Variants in PPIG observed in about 807,000 individuals in gnomAD.
PPIG encodes peptidyl-prolyl cis-trans isomerase G.
PPIG carries 26 observed loss-of-function variants against 87.9 expected under a neutral mutation model. The observed-to-expected ratio is 0.30, with a 90% CI of 0.22 to 0.41. The LOEUF is 0.41. Ranked by LOEUF, PPIG falls within the 10% of genes least tolerant of loss-of-function variation. The pLI is 1.00. For synonymous variants in PPIG, 308 were observed against 276.5 expected (o/e 1.11, Z -1.13); for missense variants, 722 against 879.4 (o/e 0.82, Z 2.26).
Position 169,608,653 on chromosome 2 carries a change from AACTTT to A in PPIG, c.290-13_290-9del. Reference sequence around the variant, plus strand: ...AGGTTATATCTATAATGTAACTGAAAACTTTACTTCTCTATAGACGAGAGTTTCGC... The same window carrying A: ...AGGTTATATCTATAATGTAACTGAAAACTTCTCTATAGACGAGAGTTTCGC... On this transcript the variant is annotated splice_polypyrimidine_tract_variant and intron_variant, in intron 6 of 13. Transcript: ENST00000260970. 1.3e-6 allele frequency: 2 copies of A among 1,568,704 alleles called. No individual in the cohort carries two copies. The highest frequency in any genetic ancestry group is 2.2e-5 in the South Asian group (2 of 89,904).
At chr2:169,600,136 T>C (rs1685139304) in intron 1 of PPIG, among the ~76,000 whole-genome samples, 1 of 151,934 alleles carries the variant, frequency 6.6e-6, no homozygotes, top group Admixed American at 6.6e-5. Flanking sequence ...GTACAGTGGC[T>C]TGATCTTGGC....
chr2:169,600,155 A>G (rs868827124), intron 1 of PPIG, among the ~76,000 whole-genome samples: 9 of 151,378 alleles, frequency 5.9e-5, no homozygotes, highest in Non-Finnish European at 8.8e-5. Context: ...GCTCACTGCA[A>G]CCTCCGCCTC....
At chr2:169,622,149 T>C (rs1238347133) in intron 9 of PPIG, among the ~76,000 whole-genome samples, 1 of 152,040 alleles carries the variant, frequency 6.6e-6, no homozygotes, top group Non-Finnish European at 1.5e-5. Flanking sequence ...TTGGCCAGGC[T>C]CTGGCTTACG....
intron 4 of PPIG, among the ~76,000 whole-genome samples, chr2:169,605,447 G>A (rs1685297270): frequency 6.6e-6 from 1 of 152,172 alleles, no homozygotes; most frequent in African/African-American, 2.4e-5. Flanking sequence ...AGGTGGCAGT[G>A]AGCCAAGATC....
intron 1 of PPIG, among the ~76,000 whole-genome samples, chr2:169,588,267 A>C (rs1293713786): frequency 6.6e-6 from 1 of 152,228 alleles, no homozygotes; most frequent in East Asian, 1.9e-4. Flanking sequence ...AGCTCTTGTT[A>C]ATTATTGTAT....
At chr2:169,615,584 T>C (rs1685590626) in intron 9 of PPIG, among the ~76,000 whole-genome samples, 4 of 152,248 alleles carry the variant, frequency 2.6e-5, no homozygotes, top group Non-Finnish European at 5.9e-5. Context: ...CTTTTGTGCC[T>C]GGCCTATTTC....
At chr2:169,625,458 C>T (rs1429026833) in intron 9 of PPIG, among the ~76,000 whole-genome samples, 3 of 152,136 alleles carry the variant, frequency 2.0e-5, no homozygotes, top group East Asian at 1.9e-4. Flanking sequence ...ATAAGTTGCC[C>T]TACACCCTGT....
chr2:169,603,896 C>G, intron 2 of PPIG, 130 bp from the exon 3 acceptor site: 9 of 701,768 alleles, frequency 1.3e-5, no homozygotes, highest in Non-Finnish European at 1.9e-5. Flanking sequence ...TGATTTACCT[C>G]ATAGAAATAA....
intron 1 of PPIG, among the ~76,000 whole-genome samples, chr2:169,600,685 AAG>A (rs569199646): frequency 1.0e-3 from 157 of 152,214 alleles, no homozygotes; most frequent in African/African-American, 3.4e-3. Context: ...AATAAGAAAA[AAG>A]AAAAAAATAT....
rs938253240 is a variant in PPIG at position 169,638,104 on chromosome 2, C to T, written c.*581C>T. 1 of 151,998 alleles carries T rather than the reference C, an allele frequency of 6.6e-6. No homozygotes were observed. Among genetic ancestry groups the T allele is most frequent in the African/African-American group, 2.4e-5 (1 of 41,420 alleles). The allele number at this position is 151,998 out of a possible 1,614,324, so 9.4% of individuals were successfully genotyped here. A position where few individuals can be genotyped will look rare whatever the true frequency, so the allele number is the denominator to read the frequency against. ...ATACTCTATTCTTTATAGTTCGAGC[C>T]ATAGCTTGTTTCCTATTAATGCTTT... On this transcript the variant is annotated 3_prime_UTR_variant, in exon 14 of 14. Coordinates refer to ENST00000260970, the MANE Select transcript of PPIG (RefSeq NM_004792.3).
intron 11 of PPIG, among the ~76,000 whole-genome samples, chr2:169,632,747 A>AAATAGT (rs1686090079): frequency 6.7e-6 from 1 of 149,480 alleles, no homozygotes; most frequent in African/African-American, 2.5e-5. Context: ...TCCGTCTCAA[A>AAATAGT]AATAATAATA....
Position 169,631,924 on chromosome 2 carries a change from A to G in PPIG, c.920A>G (p.Glu307Gly), listed in dbSNP as rs1287095703. Residue 307 changes from glutamate to glycine, a missense_variant, in exon 11 of 14, where the codon GAA (glutamate) becomes GGA (glycine). Transcript: ENST00000260970. ...AGGAAAAACAGAGAGAGAGAAAGGG[A>G]AAGAGAGTGGTATGTGAATATGTAT... ...KERKNRERERERECNPPNSQP... is the reference protein window; with the variant it reads ...KERKNRERERGRECNPPNSQP... The G allele has an allele frequency of 3.1e-6, 5 of 1,599,218 alleles. No individual in the cohort carries two copies. Among genetic ancestry groups the G allele is most frequent in the Middle Eastern group, 1.7e-4 (1 of 6,030 alleles).
chr2:169,595,380 G>A (rs144362270), intron 1 of PPIG, among the ~76,000 whole-genome samples: 369 of 152,292 alleles, frequency 2.4e-3, no homozygotes, highest in African/African-American at 8.5e-3. Flanking sequence ...TGAAGTATCC[G>A]TCTTCTCAAG....
chr2:169,614,427 CT>C (rs762970458), intron 7 of PPIG, 36 bp from the exon 8 acceptor site: 2 of 1,504,682 alleles, frequency 1.3e-6, no homozygotes, highest in Admixed American at 4.1e-5. Context: ...TTTTCTCTGA[CT>C]TTGTTTTTAT....
At chr2:169,626,007 G>A (rs944796684) in intron 9 of PPIG, among the ~76,000 whole-genome samples, 1 of 152,134 alleles carries the variant, frequency 6.6e-6, no homozygotes, top group African/African-American at 2.4e-5. Context: ...ACCTTCTGCT[G>A]TGTGACCTGG....
In PPIG at chr2:169,621,581, A is replaced by G. The variant is rs112457340; in HGVS notation, c.547+6857A>G. Among the ~76,000 whole-genome samples the G allele has an allele frequency of 7.4e-3, 1,124 of 152,214 alleles. 12 individuals carry two copies. Among genetic ancestry groups the G allele is most frequent in the African/African-American group, 0.025 (1,052 of 41,524 alleles). On this transcript the variant is annotated intron_variant, in intron 9 of 13. Coordinates refer to ENST00000260970, the MANE Select transcript of PPIG (RefSeq NM_004792.3). ...ATTAAAAAATACTAAAAATAAAAAA[A>G]ATCTGTAATGATGTTTGTTACTCTA...
At chr2:169,596,517 T>G (rs1413324878) in intron 1 of PPIG, among the ~76,000 whole-genome samples, 1 of 152,194 alleles carries the variant, frequency 6.6e-6, no homozygotes, top group Non-Finnish European at 1.5e-5. Context: ...TCACCTCCTT[T>G]AGACTGCTCA....
chr2:169,620,562 TG>T (rs1685721854), intron 9 of PPIG, among the ~76,000 whole-genome samples: 1 of 152,150 alleles, frequency 6.6e-6, no homozygotes, highest in Non-Finnish European at 1.5e-5. Flanking sequence ...GAAGAGACTC[TG>T]GGGCTAGATG....
intron 1 of PPIG, among the ~76,000 whole-genome samples, chr2:169,585,476 T>C (rs753687277): frequency 2.6e-5 from 4 of 152,024 alleles, no homozygotes; most frequent in Non-Finnish European, 5.9e-5. Context: ...TTAGCCAGGA[T>C]GGTCGATCTC....
Sources: gnomAD v4.1 joint callset for allele counts (sites outside exome capture counted in the v4.1 genomes callset) on GRCh38, gnomAD v4.1.1 for gene constraint, MANE v1.5 for transcripts, NCBI Gene and HGNC (gene_info 2026-07-23, HGNC 2026-07-21) for gene names.